The following C2CD5 variants were observed in gnomAD, a reference collection of about 807,000 sequenced individuals.
C2CD5 encodes the protein C2 calcium dependent domain containing 5.
A neutral mutation model predicts 130.3 loss-of-function variants in C2CD5; 109 were observed. The observed-to-expected ratio is 0.84, with a 90% CI of 0.72 to 0.98. The LOEUF is 0.98. Among genes scored for constraint, C2CD5 ranks in the 50% least tolerant of loss-of-function variants. C2CD5 has a pLI of 0.00. For synonymous variants in C2CD5, 454 were observed against 429.2 expected (o/e 1.06, Z -0.71); for missense variants, 996 against 1,261.8 (o/e 0.79, Z 3.19).
chr12:22,519,091 T>A, intron 7 of C2CD5: 1 of 1,530,076 alleles, frequency 6.5e-7, no homozygotes, highest in Non-Finnish European at 8.7e-7. Flanking sequence ...TCTCCCCAGC[T>A]CTGGAGTCTG....
chr12:22,521,940 G>A (rs1234500517), intron 7 of C2CD5, among the ~76,000 whole-genome samples: 1 of 152,074 alleles, frequency 6.6e-6, no homozygotes. Context: ...ACTGAACTGG[G>A]AAACATTTTA....
rs887341590 is a variant in C2CD5, at chr12:22,535,423, T to C, written c.91-79A>G. The C allele has an allele frequency of 9.1e-5, 68 of 749,414 alleles. No homozygotes were observed. In the East Asian group the frequency reaches 1.5e-3, roughly 16 times the overall value. 46.4% of individuals were successfully genotyped at this position (749,414 alleles called of 1,614,324 possible). The stretch of plus-strand genomic sequence containing the variant: ...GTAAATTTTAATGTCAGCCAACCAA[T>C]AGAAGGATAAACCATAAAGGGGACA... On this transcript the variant is annotated intron_variant, in intron 2 of 26. Transcript: ENST00000446597.
Position 22,509,166 on chromosome 12 carries a change from C to T in C2CD5, c.1039-2347G>A, listed in dbSNP as rs184884456. On this transcript the variant is annotated intron_variant, in intron 9 of 26. Coordinates refer to ENST00000446597, the MANE Select transcript of C2CD5 (RefSeq NM_001286176.2). ...GTGCTGGGATTACAGGCGTGAGCCACCGCGCCCAGCCTTAAATCTTTTAAA... is the reference window on the plus strand; with the variant it reads ...GTGCTGGGATTACAGGCGTGAGCCATCGCGCCCAGCCTTAAATCTTTTAAA... Among the ~76,000 whole-genome samples the T allele has an allele frequency of 4.2e-3, 647 of 152,312 alleles. 5 individuals carry two copies. Among genetic ancestry groups the T allele is most frequent in the African/African-American group, 0.015 (625 of 41,564 alleles).
At chr12:22,513,463 T>C in intron 8 of C2CD5, 84 bp from the exon 9 acceptor site, 3 of 825,846 alleles carry the variant, frequency 3.6e-6, no homozygotes, top group Non-Finnish European at 6.4e-6. Context: ...ATAAACATCA[T>C]GAGTTGAAAT....
chr12:22,509,171 C>T (rs1948916786), intron 9 of C2CD5, among the ~76,000 whole-genome samples: 1 of 152,174 alleles, frequency 6.6e-6, no homozygotes, highest in African/African-American at 2.4e-5. Flanking sequence ...AGCCACCGCG[C>T]CCAGCCTTAA....
At chr12:22,516,606 T>A (rs1442492299) in intron 8 of C2CD5, among the ~76,000 whole-genome samples, 1 of 150,146 alleles carries the variant, frequency 6.7e-6, no homozygotes, top group East Asian at 1.9e-4. Context: ...ACCAAGGAAA[T>A]GCTTTCCAAA....
At chr12:22,520,116 TA>T (rs1041801673) in intron 7 of C2CD5, among the ~76,000 whole-genome samples, 3 of 152,150 alleles carry the variant, frequency 2.0e-5, no homozygotes, top group African/African-American at 7.2e-5. Context: ...TTGAATGTTG[TA>T]AAAAGGTATA....
At chr12:22,488,418 A>T (rs939468777) in intron 12 of C2CD5, among the ~76,000 whole-genome samples, 13 of 151,150 alleles carry the variant, frequency 8.6e-5, no homozygotes, top group African/African-American at 3.2e-4. Flanking sequence ...AAGAAAAGGC[A>T]TTTTCCTTGT....
intron 7 of C2CD5, among the ~76,000 whole-genome samples, chr12:22,522,367 T>C (rs1159484341): frequency 1.3e-5 from 2 of 152,202 alleles, no homozygotes; most frequent in African/African-American, 2.4e-5. Flanking sequence ...CTGAAAAATC[T>C]TGTTCCAAAC....
chr12:22,524,742 G>A, intron 5 of C2CD5, 115 bp from the exon 6 acceptor site: 1 of 641,498 alleles, frequency 1.6e-6, no homozygotes, highest in South Asian at 2.1e-5. Flanking sequence ...ATCTTTTACT[G>A]TAATATTTTC....
At chr12:22,478,939 T>C (rs1944286769) in intron 14 of C2CD5, among the ~76,000 whole-genome samples, 1 of 152,150 alleles carries the variant, frequency 6.6e-6, no homozygotes, top group Non-Finnish European at 1.5e-5. Flanking sequence ...AGGACATCTC[T>C]GGAAAGGCAC....
intron 22 of C2CD5, 53 bp from the exon 23 acceptor site, chr12:22,459,595 C>A: frequency 8.9e-7 from 1 of 1,119,714 alleles, no homozygotes; most frequent in South Asian, 1.4e-5. Flanking sequence ...CAAGCCAGTA[C>A]CTCTTCTTTG....
At chr12:22,457,685 T>C (rs947603022) in intron 24 of C2CD5, among the ~76,000 whole-genome samples, 5 of 152,102 alleles carry the variant, frequency 3.3e-5, no homozygotes, top group African/African-American at 1.2e-4. Context: ...TAGCTAAAAG[T>C]TGGTTGTTTA....
intron 26 of C2CD5, among the ~76,000 whole-genome samples, chr12:22,451,360 T>TAAA (rs1385260441): frequency 6.6e-6 from 1 of 152,194 alleles, no homozygotes; most frequent in Non-Finnish European, 1.5e-5. Context: ...ACCATATTTT[T>TAAA]AATATTTTAT....
chr12:22,502,418 C>T (rs1000925700), intron 10 of C2CD5, among the ~76,000 whole-genome samples: 10 of 151,894 alleles, frequency 6.6e-5, no homozygotes, highest in African/African-American at 2.4e-4. Context: ...AAAGCTAATG[C>T]CTACATCATT....
intron 23 of C2CD5, 146 bp from the exon 24 acceptor site, chr12:22,458,731 T>A (rs999967139): frequency 2.6e-6 from 1 of 377,942 alleles, no homozygotes; most frequent in African/African-American, 2.1e-5. Context: ...ATAAGAGAGA[T>A]AGTAAAGAGT....
At chr12:22,485,725 G>C (rs1383213744) in intron 12 of C2CD5, among the ~76,000 whole-genome samples, 3 of 152,058 alleles carry the variant, frequency 2.0e-5, no homozygotes, top group Admixed American at 1.3e-4. Flanking sequence ...ACAAAAGGAT[G>C]AAAACTGAAG....
At chr12:22,517,111 A>C (rs955300361) in intron 8 of C2CD5, among the ~76,000 whole-genome samples, 12 of 151,972 alleles carry the variant, frequency 7.9e-5, no homozygotes, top group African/African-American at 2.9e-4. Context: ...TTGTTTTCAC[A>C]AAATCTAGGA....
At chr12:22,464,676 T>G (rs563774762) in intron 22 of C2CD5, among the ~76,000 whole-genome samples, 9 of 152,280 alleles carry the variant, frequency 5.9e-5, no homozygotes, top group Non-Finnish European at 1.3e-4. Flanking sequence ...CATTGATTAT[T>G]TGGCCTCCAA....
Sources: allele counts gnomAD v4.1 joint callset (sites outside exome capture counted in the v4.1 genomes callset), GRCh38; gene constraint gnomAD v4.1.1; transcripts MANE v1.5; gene names NCBI Gene and HGNC (gene_info 2026-07-23, HGNC 2026-07-21).